SURF6: variants seen among roughly 807,000 people sequenced by gnomAD.
SURF6 encodes the protein surfeit locus protein 6.
Under a neutral mutation model 37.5 loss-of-function variants are expected in SURF6, and 28 were observed. That is an observed-to-expected ratio of 0.75 (90% CI 0.55 to 1.02). SURF6 has a LOEUF of 1.02. Ranked by LOEUF, SURF6 falls within the 50% of genes least tolerant of loss-of-function variation. The pLI is 0.00. For missense variants in SURF6, 560 were observed against 490.5 expected, an observed-to-expected ratio of 1.14 and a Z score of -1.34; for synonymous variants, 248 against 210.9, an observed-to-expected ratio of 1.18 and a Z score of -1.52.
rs924783111 is a variant in SURF6 at position 133,330,628 on chromosome 9, A to C, written c.*1241T>G. On this transcript the variant is annotated 3_prime_UTR_variant, in exon 5 of 5. Coordinates refer to ENST00000372022, the MANE Select transcript of SURF6 (RefSeq NM_006753.6). ...TTCTTTAACTCATAGGTAATTTATAAGTGTGTTTTAAAAATTCCAAATATG... is the reference window on the plus strand; with the variant it reads ...TTCTTTAACTCATAGGTAATTTATACGTGTGTTTTAAAAATTCCAAATATG... The C allele has an allele frequency of 1.3e-5, 2 of 151,850 alleles. No individual in the cohort carries two copies. Among genetic ancestry groups the C allele is most frequent in the African/African-American group, 4.8e-5 (2 of 41,370 alleles). The allele number at this position is 151,850 out of a possible 1,614,324, so 9.4% of individuals were successfully genotyped here.
At chr9:133,334,329 C>G in intron 2 of SURF6, 63 bp downstream of exon 2, 1 of 1,490,752 alleles carries the variant, frequency 6.7e-7, no homozygotes, top group Middle Eastern at 1.8e-4. Context: ...GCAAAGGGGA[C>G]CAAGCCCAAG....
Position 133,333,859 on chromosome 9 carries a change from C to T in SURF6, c.305-53G>A, listed in dbSNP as rs945486177. On this transcript the variant is annotated intron_variant, in intron 2 of 4. Transcript: ENST00000372022. The stretch of plus-strand genomic sequence containing the variant: ...GGGCCCTCTCTTCCCCTCCCCCTCC[C>T]TCCCTAGGGCCACGAATCCCTGTCC... 2.7e-6 allele frequency: 4 copies of T among 1,477,992 alleles called. No homozygotes were observed. The African/African-American group carries it at 4.2e-5, about 15-fold the overall frequency. The allele number at this position is 1,477,992 out of a possible 1,614,324, so 91.6% of individuals were successfully genotyped here.
Position 133,331,606 on chromosome 9 carries a change from A to T in SURF6, c.*263T>A. 2.4e-6 allele frequency: 1 copy of T among 422,384 alleles called. No homozygotes were observed. 26.2% of individuals were successfully genotyped at this position (422,384 alleles called of 1,614,324 possible). A position where few individuals can be genotyped will look rare whatever the true frequency, so the allele number is the denominator to read the frequency against. On this transcript the variant is annotated 3_prime_UTR_variant, in exon 5 of 5. Transcript: ENST00000372022. ...TCGGGGAAGCTTTCAGGCCCGGGAA[A>T]GCAGACCAGGCCCCAGTCTCCCTCA...
At chr9:133,333,012 G>A (rs1324216303) in intron 3 of SURF6, 6 of 566,576 alleles carry the variant, frequency 1.1e-5, no homozygotes, top group South Asian at 2.1e-5. Flanking sequence ...GATACATTAC[G>A]CACATGGTTT....
Position 133,336,178 on chromosome 9 carries a change from G to A in SURF6, c.-46C>T. On this transcript the variant is annotated 5_prime_UTR_variant, in exon 1 of 5. The change creates a new upstream start codon in the 5' untranslated region. Coordinates refer to ENST00000372022, the MANE Select transcript of SURF6 (RefSeq NM_006753.6). Reference sequence around the variant, plus strand: ...ACGACTCACACCTTCCCCGCTGCGCGTGCGACTCTCACCACCTCCGCCGGA... The same window carrying A: ...ACGACTCACACCTTCCCCGCTGCGCATGCGACTCTCACCACCTCCGCCGGA... The A allele has an allele frequency of 6.5e-7, 1 of 1,537,278 alleles. No individual in the cohort carries two copies. Among genetic ancestry groups the A allele is most frequent in the Non-Finnish European group, 8.9e-7 (1 of 1,127,608 alleles).
In SURF6 at chr9:133,331,947, G is replaced by C. The variant is rs1268495555; in HGVS notation, c.1008C>G (p.Arg336=). Residue 336 remains arginine (R), a synonymous_variant, in exon 5 of 5, where the codon CGC becomes CGG. Coordinates refer to ENST00000372022, the MANE Select transcript of SURF6 (RefSeq NM_006753.6). The part of the protein sequence containing the change: ...RQNLRRKKAA[R]AERRLLRARK... ...GGGCTCTGAGCAGGCGGCGCTCGGC[G>C]CGGGCCGCCTTCTTCCTGCGCAGGT... 3 of 1,591,404 alleles carry C rather than the reference G, an allele frequency of 1.9e-6. No homozygotes were observed. Among genetic ancestry groups the C allele is most frequent in the Non-Finnish European group, 2.6e-6 (3 of 1,176,210 alleles).
rs1413445933 is a variant in SURF6 at position 133,333,787 on chromosome 9, A to G, written c.324T>C (p.Pro108=). 5.0e-6 allele frequency: 8 copies of G among 1,613,710 alleles called. No homozygotes were observed. The highest frequency in any genetic ancestry group is 5.1e-6 in the Non-Finnish European group (6 of 1,179,890). The part of the protein sequence containing the change: ...GNPADGLATE[P]ESVFALDVLR... ...GAACATCCAGAGCAAAGACAGACTCAGGCTCAGTGGCCAGGCCATCTGCAG... is the reference window on the plus strand; with the variant it reads ...GAACATCCAGAGCAAAGACAGACTCGGGCTCAGTGGCCAGGCCATCTGCAG... Residue 108 remains proline, a synonymous_variant, in exon 3 of 5, where the codon CCT becomes CCC. Coordinates refer to ENST00000372022, the MANE Select transcript of SURF6 (RefSeq NM_006753.6).
At chr9:133,333,543 GCTTGGGGACTGAGGTT>G (rs1332784487) in intron 3 of SURF6, among the ~76,000 whole-genome samples, 159 bp downstream of exon 3, 4 of 152,212 alleles carry the variant, frequency 2.6e-5, no homozygotes, top group African/African-American at 7.2e-5. Context: ...AGGCTGATGA[GCTTGGGGACTGAGGTT>G]CTCCAAGAAA....
Position 133,336,179 on chromosome 9 carries a change from TGC to T in SURF6, c.-49_-48del. ...CGACTCACACCTTCCCCGCTGCGCG[TGC>T]GACTCTCACCACCTCCGCCGGAAAC... is the stretch of plus-strand genomic sequence containing the variant. On this transcript the variant is annotated 5_prime_UTR_variant, in exon 1 of 5. Coordinates refer to ENST00000372022, the MANE Select transcript of SURF6 (RefSeq NM_006753.6). The T allele has an allele frequency of 6.5e-7, 1 of 1,536,920 alleles. No homozygotes were observed. Among genetic ancestry groups the T allele is most frequent in the Non-Finnish European group, 8.9e-7 (1 of 1,127,670 alleles).
At position 133,334,379 on chromosome 9, in the gene SURF6, T is replaced by C; in HGVS notation, c.304+13A>G. ...CGCCCTGCACAGAACCAACATGCCCTGAAGCCTCTCACCTGCAGGGTTCCC... is the reference window on the plus strand; with the variant it reads ...CGCCCTGCACAGAACCAACATGCCCCGAAGCCTCTCACCTGCAGGGTTCCC... On this transcript the variant is annotated intron_variant, in intron 2 of 4. Coordinates refer to ENST00000372022, the MANE Select transcript of SURF6 (RefSeq NM_006753.6). 6.3e-7 allele frequency: 1 copy of C among 1,579,164 alleles called. No individual in the cohort carries two copies. The highest frequency in any genetic ancestry group is 1.1e-5 in the South Asian group (1 of 90,082).
Position 133,334,657 on chromosome 9 carries a change from C to CAGGA in SURF6, c.95-60_95-57dup, listed in dbSNP as rs1354053616. 1.2e-5 allele frequency: 19 copies of CAGGA among 1,580,258 alleles called. No individual in the cohort carries two copies. In the African/African-American group the frequency reaches 2.0e-4, roughly 17 times the overall value. On this transcript the variant is annotated intron_variant, in intron 1 of 4. Transcript: ENST00000372022. The stretch of plus-strand genomic sequence containing the variant: ...CCAATCTCATGGCCCATTCAATAGG[C>CAGGA]AGGAAAGGCTCACCAAGGCTTTGAT...
At chr9:133,333,868 G>A (rs1835809581) in intron 2 of SURF6, 62 bp from the exon 3 acceptor site, 26 of 1,410,196 alleles carry the variant, frequency 1.8e-5, no homozygotes, top group Non-Finnish European at 2.6e-5. Flanking sequence ...CCTCCCTAGG[G>A]CCACGAATCC....
At position 133,336,151 on chromosome 9, in the gene SURF6, T is replaced by C. The variant is rs1835873648; in HGVS notation, c.-19A>G. On this transcript the variant is annotated 5_prime_UTR_variant, in exon 1 of 5. Coordinates refer to ENST00000372022, the MANE Select transcript of SURF6 (RefSeq NM_006753.6). ...AGGCCATGGCGGAGACCCGGGCCGT[T>C]CACGACTCACACCTTCCCCGCTGCG... The C allele has an allele frequency of 6.2e-7, 1 of 1,602,372 alleles. No individual in the cohort carries two copies. Among genetic ancestry groups the C allele is most frequent in the Admixed American group, 1.7e-5 (1 of 59,846 alleles).
Position 133,333,990 on chromosome 9 carries a change from C to T in SURF6, c.305-184G>A, listed in dbSNP as rs141121520. ...ATCCTCCAGAACAGGTAACTCAGTG[C>T]CTCACGAGGTAGGTCACCGTGGTAT... On this transcript the variant is annotated intron_variant, in intron 2 of 4. Transcript: ENST00000372022. Among the ~76,000 whole-genome samples, 168 of 152,294 alleles carry T rather than the reference C, an allele frequency of 1.1e-3. 1 individual carries two copies. The highest frequency in any genetic ancestry group is 3.9e-3 in the African/African-American group (160 of 41,556).
intron 1 of SURF6, among the ~76,000 whole-genome samples, chr9:133,335,290 TAAGTA>T (rs2129930577): frequency 6.1e-5 from 9 of 148,238 alleles, no homozygotes; most frequent in African/African-American, 2.0e-4. Context: ...GAAATCAGTC[TAAGTA>T]AAGTAGGAGC....
chr9:133,333,691 G>A (rs200823485), intron 3 of SURF6, 27 bp downstream of exon 3: 138 of 1,607,358 alleles, frequency 8.6e-5, no homozygotes, highest in African/African-American at 2.8e-4. Flanking sequence ...GAGCAGTGAC[G>A]GCACTCCAGC....
intron 3 of SURF6, 149 bp downstream of exon 3, chr9:133,333,569 A>G: frequency 1.5e-6 from 1 of 676,096 alleles, no homozygotes; most frequent in Non-Finnish European, 2.5e-6. Flanking sequence ...TCTCCAAGAA[A>G]ATAACTGCTC....
chr9:133,334,533 ATTTCT>A lies in SURF6; in HGVS notation c.158_162del (p.Lys53IlefsTer10). On this transcript the variant is annotated frameshift_variant, in exon 2 of 5. Coordinates refer to ENST00000372022, the MANE Select transcript of SURF6 (RefSeq NM_006753.6). LOFTEE classifies it high-confidence loss of function. Reference sequence around the variant, plus strand: ...GCAGCCTTCTCTTCTCGCTTCCGGAATTTCTTTTGTGTTTTCTTCCTTTTCTTTTT... The same window carrying A: ...GCAGCCTTCTCTTCTCGCTTCCGGAATTTGTGTTTTCTTCCTTTTCTTTTT... The A allele has an allele frequency of 6.2e-7, 1 of 1,613,744 alleles. No homozygotes were observed.
chr9:133,332,361 T>TATGAC lies in SURF6; in HGVS notation c.607-18_607-14dup. Reference sequence around the variant, plus strand: ...CGCTCACCTCCACCTGGGAGGAAGGTATGACATCAGCTCATGCCAGCCCTG... The same window carrying TATGAC: ...CGCTCACCTCCACCTGGGAGGAAGGTATGACATGACATCAGCTCATGCCAGCCCTG... On this transcript the variant is annotated splice_polypyrimidine_tract_variant and intron_variant, in intron 4 of 4. Transcript: ENST00000372022. The TATGAC allele has an allele frequency of 6.4e-7, 1 of 1,564,902 alleles. No individual in the cohort carries two copies.
Sources: gnomAD v4.1 joint callset for allele counts (sites outside exome capture counted in the v4.1 genomes callset) on GRCh38, gnomAD v4.1.1 for gene constraint, MANE v1.5 for transcripts, NCBI Gene and HGNC (gene_info 2026-07-23, HGNC 2026-07-21) for gene names.